Variants in MEGF9 observed in about 807,000 individuals in gnomAD.
MEGF9 encodes the protein multiple epidermal growth factor-like domains protein 9.
MEGF9 carries 6 observed loss-of-function variants against 46.8 expected under a neutral mutation model. The observed-to-expected ratio is 0.13, with a 90% CI of 0.07 to 0.25. MEGF9 has a LOEUF of 0.25. Among genes scored for constraint, MEGF9 ranks in the 10% least tolerant of loss-of-function variants. MEGF9 has a pLI of 1.00. For missense variants in MEGF9, 683 were observed against 792.4 expected (o/e 0.86, Z 1.66); for synonymous variants, 302 against 330.7 (o/e 0.91, Z 0.94).
chr9:120,608,910 C>A (rs1418390129), intron 4 of MEGF9, among the ~76,000 whole-genome samples: 1 of 152,198 alleles, frequency 6.6e-6, no homozygotes, highest in Non-Finnish European at 1.5e-5. Flanking sequence ...TCTTTCCATT[C>A]CCACTGGAGT....
chr9:120,701,075 C>T (rs1049546519), intron 1 of MEGF9, among the ~76,000 whole-genome samples: 9 of 150,910 alleles, frequency 6.0e-5, no homozygotes, highest in African/African-American at 2.0e-4. Flanking sequence ...GCCACAATCA[C>T]GCCACTGCAC....
intron 2 of MEGF9, among the ~76,000 whole-genome samples, chr9:120,652,498 A>AC (rs1180562083): frequency 6.7e-6 from 1 of 150,160 alleles, no homozygotes; most frequent in African/African-American, 2.4e-5. Flanking sequence ...AAAAAAAAAA[A>AC]AAAAACAGAA....
At chr9:120,685,373 C>T (rs983465357) in intron 1 of MEGF9, among the ~76,000 whole-genome samples, 4 of 152,160 alleles carry the variant, frequency 2.6e-5, no homozygotes, top group Non-Finnish European at 5.9e-5. Flanking sequence ...TTAACAATCT[C>T]GGATATTCTC....
Position 120,714,264 on chromosome 9 carries a change from A to ACGG in MEGF9, c.92_94dup (p.Ala31dup), listed in dbSNP as rs369989873. ...ATTCCCCGCCGAGGCGGCTGAGGCG[A>ACGG]CGGCGGCGGCGGCGGCGGCGGCGGC... On this transcript the variant is annotated inframe_insertion, in exon 1 of 6. Coordinates refer to ENST00000373930, the MANE Select transcript of MEGF9 (RefSeq NM_001080497.3). The ACGG allele has an allele frequency of 1.2e-3, 1,510 of 1,238,262 alleles. 16 individuals carry two copies. The East Asian group carries it at 0.022, about 18-fold the overall frequency. The allele number at this position is 1,238,262 out of a possible 1,614,324, so 76.7% of individuals were successfully genotyped here. A position where few individuals can be genotyped will look rare whatever the true frequency, so the allele number is the denominator to read the frequency against.
intron 2 of MEGF9, among the ~76,000 whole-genome samples, chr9:120,634,390 T>G (rs571610923): frequency 6.6e-6 from 1 of 151,144 alleles, no homozygotes; most frequent in East Asian, 1.9e-4. Context: ...GTTTGTTTTA[T>G]CTGACTTAGG....
chr9:120,713,568 G>A (rs2043962735), intron 1 of MEGF9, among the ~76,000 whole-genome samples, 190 bp downstream of exon 1: 1 of 152,200 alleles, frequency 6.6e-6, no homozygotes. Flanking sequence ...ACAGCCCACG[G>A]GGGACAAAAG....
chr9:120,636,111 G>C (rs1266444027), intron 2 of MEGF9, among the ~76,000 whole-genome samples: 1 of 152,024 alleles, frequency 6.6e-6, no homozygotes, highest in Non-Finnish European at 1.5e-5. Flanking sequence ...AATTTTTTTG[G>C]TATTTTTGTA....
At chr9:120,664,779 GC>G (rs1314750888) in intron 1 of MEGF9, among the ~76,000 whole-genome samples, 2 of 152,164 alleles carry the variant, frequency 1.3e-5, no homozygotes, top group Non-Finnish European at 2.9e-5. Context: ...CAGGAAGACA[GC>G]CTGAAATTCA....
chr9:120,624,683 G>A (rs891857809), intron 2 of MEGF9, among the ~76,000 whole-genome samples: 1 of 152,054 alleles, frequency 6.6e-6, no homozygotes, highest in African/African-American at 2.4e-5. Flanking sequence ...TGATCAGCCT[G>A]GCCAACATGG....
intron 5 of MEGF9, among the ~76,000 whole-genome samples, chr9:120,606,023 T>A (rs959499214): frequency 6.6e-6 from 1 of 151,896 alleles, no homozygotes; most frequent in African/African-American, 2.4e-5. Flanking sequence ...ATACAAAAAA[T>A]TAGCTGGGCG....
At chr9:120,686,939 A>G (rs1395786859) in intron 1 of MEGF9, among the ~76,000 whole-genome samples, 1 of 151,846 alleles carries the variant, frequency 6.6e-6, no homozygotes, top group South Asian at 2.1e-4. Flanking sequence ...AATTTTTAAT[A>G]AAATAGTTTG....
At chr9:120,706,105 C>T (rs1348319393) in intron 1 of MEGF9, among the ~76,000 whole-genome samples, 1 of 152,176 alleles carries the variant, frequency 6.6e-6, no homozygotes, top group African/African-American at 2.4e-5. Flanking sequence ...AAAAACAGCA[C>T]TGCAATACTT....
chr9:120,604,956 G>T lies in MEGF9; in HGVS notation c.*234C>A. ...GCCTTTCCATACTCCCATGTGGTTT[G>T]GTACAAAAATATACTTTACTTCAAG... On this transcript the variant is annotated 3_prime_UTR_variant, in exon 6 of 6. Coordinates refer to ENST00000373930, the MANE Select transcript of MEGF9 (RefSeq NM_001080497.3). The T allele has an allele frequency of 1.9e-6, 1 of 534,516 alleles. No homozygotes were observed. The highest frequency in any genetic ancestry group is 3.3e-6 in the Non-Finnish European group (1 of 303,722). The allele number at this position is 534,516 out of a possible 1,614,324, so 33.1% of individuals were successfully genotyped here. A position where few individuals can be genotyped will look rare whatever the true frequency, so the allele number is the denominator to read the frequency against.
At chr9:120,624,212 T>C (rs1241623765) in intron 2 of MEGF9, among the ~76,000 whole-genome samples, 1 of 152,184 alleles carries the variant, frequency 6.6e-6, no homozygotes, top group Non-Finnish European at 1.5e-5. Flanking sequence ...TACCATGCTT[T>C]ATTTTTTCCT....
At chr9:120,642,125 C>A (rs73550198) in intron 2 of MEGF9, among the ~76,000 whole-genome samples, 2,306 of 152,340 alleles carry the variant, frequency 0.015, 60 homozygotes, top group African/African-American at 0.053. Flanking sequence ...ACAGACCTAG[C>A]TTTAAATATT....
At chr9:120,659,339 T>C in intron 2 of MEGF9, 35 bp downstream of exon 2, 1 of 1,581,864 alleles carries the variant, frequency 6.3e-7, no homozygotes. Context: ...CTTGCTAAAA[T>C]AAAATAAACT....
At chr9:120,657,321 C>T (rs1228423419) in intron 2 of MEGF9, among the ~76,000 whole-genome samples, 1 of 152,184 alleles carries the variant, frequency 6.6e-6, no homozygotes, top group African/African-American at 2.4e-5. Context: ...AGGGTTTCAG[C>T]ATTAAACTTG....
Position 120,622,630 on chromosome 9 carries a change from C to T in MEGF9, c.929G>A (p.Cys310Tyr). 2 of 1,613,592 alleles carry T rather than the reference C, an allele frequency of 1.2e-6. No individual in the cohort carries two copies. Among genetic ancestry groups the T allele is most frequent in the South Asian group, 1.1e-5 (1 of 91,044 alleles). ...PCQCNNRSAS[C>Y]DALTGACLNC... The stretch of plus-strand genomic sequence containing the variant: ...AAAGTACGTACCTGTGAGGGCATCG[C>T]AACTGGCAGACCGATTATTGCATTG... Residue 310 changes from cysteine (C) to tyrosine (Y), a missense_variant, in exon 3 of 6, where the codon TGC (cysteine) becomes TAC (tyrosine). By Grantham distance (194) the Cys-to-Tyr change is radical. Coordinates refer to ENST00000373930, the MANE Select transcript of MEGF9 (RefSeq NM_001080497.3).
intron 1 of MEGF9, chr9:120,691,401 T>C (rs374382838): frequency 4.2e-6 from 2 of 472,112 alleles, no homozygotes; most frequent in African/African-American, 4.0e-5. Context: ...AGTTTTTAAG[T>C]ATCTTTACGT....
Sources: gnomAD v4.1 joint callset for allele counts (sites outside exome capture counted in the v4.1 genomes callset) on GRCh38, gnomAD v4.1.1 for gene constraint, MANE v1.5 for transcripts, NCBI Gene and HGNC (gene_info 2026-07-23, HGNC 2026-07-21) for gene names.